MGST1: variants seen among roughly 807,000 people sequenced by gnomAD.
The protein encoded by MGST1 is microsomal glutathione S-transferase 1, also known as glutathione S-transferase 12.
Under a neutral mutation model 8.9 loss-of-function variants are expected in MGST1, and 5 were observed. That is an observed-to-expected ratio of 0.56 (90% CI 0.29 to 1.19). The LOEUF is 1.19. Ranked by LOEUF, MGST1 falls within the 50% of genes most tolerant of loss-of-function variation. The probability of loss-of-function intolerance (pLI) is 0.08; values close to 1 mark genes in which losing one functional copy is unlikely to be tolerated. For synonymous variants in MGST1, 54 were observed against 67.8 expected, an observed-to-expected ratio of 0.80 and a Z score of 1.00; for missense variants, 182 against 187.4, an observed-to-expected ratio of 0.97 and a Z score of 0.17.
Position 16,589,066 on chromosome 12 carries a change from G to A in MGST1, n.483-462G>A, listed in dbSNP as rs1943411570. Among the ~76,000 whole-genome samples, 1 of 151,966 alleles carries A rather than the reference G, an allele frequency of 6.6e-6. No homozygotes were observed. The highest frequency in any genetic ancestry group is 6.6e-5 in the Admixed American group (1 of 15,250). On this transcript the variant is annotated intron_variant and non_coding_transcript_variant, in intron 4 of 4. Transcript: ENST00000538857. This position sits in a 1 kb window ranked among gnomAD's most constrained non-coding sequence, Gnocchi z 4.2. ...AATGTGAAGCTGGGGTGTAGCAGAA[G>A]GGGGTCGACGTCAGGTCTGGATACC...
intron 4 of MGST1, among the ~76,000 whole-genome samples, chr12:16,494,292 T>C (rs1188908880): frequency 6.6e-6 from 1 of 152,186 alleles, no homozygotes; most frequent in African/African-American, 2.4e-5. Flanking sequence ...TAGACATCTC[T>C]GTGATGCATG....
chr12:16,496,225 T>C (rs1412915440), intron 4 of MGST1, among the ~76,000 whole-genome samples: 1 of 151,998 alleles, frequency 6.6e-6, no homozygotes, highest in Non-Finnish European at 1.5e-5. Context: ...TTATTTCTGG[T>C]GGCAGAGAAT....
chr12:16,404,374 T>C (rs575024850), intron 1 of MGST1, among the ~76,000 whole-genome samples: 1 of 152,256 alleles, frequency 6.6e-6, no homozygotes, highest in South Asian at 2.1e-4. Flanking sequence ...AGATTCTTTT[T>C]AAAAATTCAA....
chr12:16,348,564 C>G (rs1016158106), intron 1 of MGST1, among the ~76,000 whole-genome samples: 1 of 152,068 alleles, frequency 6.6e-6, no homozygotes, highest in African/African-American at 2.4e-5. Flanking sequence ...ATTTCTTCTC[C>G]CTAATTTCTT....
At chr12:16,360,242 A>G in intron 3 of MGST1, 1 of 620,944 alleles carries the variant, frequency 1.6e-6, no homozygotes, top group Non-Finnish European at 2.0e-6. Flanking sequence ...CGTTTCCAGC[A>G]TCTTCCCTTT....
intron 4 of MGST1, among the ~76,000 whole-genome samples, chr12:16,507,901 T>A (rs1941550152): frequency 6.6e-6 from 1 of 152,068 alleles, no homozygotes; most frequent in Non-Finnish European, 1.5e-5. Flanking sequence ...TATCAAGGAA[T>A]GAGCAATAGG....
chr12:16,396,689 C>A (rs1293127718), intron 1 of MGST1, among the ~76,000 whole-genome samples: 1 of 151,898 alleles, frequency 6.6e-6, no homozygotes, highest in Non-Finnish European at 1.5e-5. Context: ...CTTAAAATAG[C>A]TGCAAAAAAA....
chr12:16,358,859 A>G (rs2270356), intron 3 of MGST1, among the ~76,000 whole-genome samples: 83,390 of 139,386 alleles, frequency 0.6, 25,738 homozygotes, highest in Non-Finnish European at 0.7. Flanking sequence ...TCTTTATCCA[A>G]TTCATATTGA....
chr12:16,349,207 A>T (rs1406842449), intron 1 of MGST1: 1 of 152,120 alleles, frequency 6.6e-6, no homozygotes, highest in Non-Finnish European at 1.5e-5. Flanking sequence ...GGCCCTGGGG[A>T]TGCGTGCCCA....
At chr12:16,558,575 C>CA (rs149571899) in intron 4 of MGST1, among the ~76,000 whole-genome samples, 4,416 of 152,062 alleles carry the variant, frequency 0.029, 210 homozygotes, top group African/African-American at 0.1. Context: ...GTGCATTTGC[C>CA]AATTTATTTT....
rs1565467248 is a variant in MGST1, at chr12:16,513,341, C to T, written n.483-76187C>T. 2 of 267,648 alleles carry T rather than the reference C, an allele frequency of 7.5e-6. No individual in the cohort carries two copies. Among genetic ancestry groups the T allele is most frequent in the Admixed American group, 4.8e-5 (1 of 20,870 alleles). The allele number at this position is 267,648 out of a possible 1,614,324, so 16.6% of individuals were successfully genotyped here. ...ATTCCTTAAAAAGGAGAATTTTATGCTTGCCCTCTGCTCCGTCCTGCGTCT... is the reference window on the plus strand; with the variant it reads ...ATTCCTTAAAAAGGAGAATTTTATGTTTGCCCTCTGCTCCGTCCTGCGTCT... On this transcript the variant is annotated intron_variant and non_coding_transcript_variant, in intron 4 of 4. Transcript: ENST00000538857. The surrounding 1 kb of genome is among the most constrained non-coding windows in gnomAD (Gnocchi z 4.2).
intron 1 of MGST1, among the ~76,000 whole-genome samples, chr12:16,402,662 C>T (rs187419449): frequency 5.1e-4 from 77 of 152,030 alleles, no homozygotes; most frequent in African/African-American, 1.8e-3. Context: ...TTGCTTATGT[C>T]CCTTATTAAT....
chr12:16,452,746 A>T (rs897691176), intron 4 of MGST1, among the ~76,000 whole-genome samples: 7 of 151,898 alleles, frequency 4.6e-5, no homozygotes, highest in East Asian at 1.9e-4. Flanking sequence ...AAAATGTTTT[A>T]AAAAATATTC....
intron 4 of MGST1, among the ~76,000 whole-genome samples, chr12:16,566,767 T>C (rs1942628080): frequency 6.6e-6 from 1 of 152,160 alleles, no homozygotes; most frequent in African/African-American, 2.4e-5. Flanking sequence ...GTTCAACGTA[T>C]AAATATATAC....
intron 1 of MGST1, among the ~76,000 whole-genome samples, chr12:16,432,533 G>T (rs1028100669): frequency 6.6e-6 from 1 of 151,868 alleles, no homozygotes; most frequent in African/African-American, 2.4e-5. Flanking sequence ...AGTAGCAATG[G>T]AACAAGCAAT....
intron 4 of MGST1, among the ~76,000 whole-genome samples, chr12:16,483,261 T>A (rs982572581): frequency 2.0e-5 from 3 of 152,090 alleles, no homozygotes. Flanking sequence ...CCCTTACTCC[T>A]CAAAAGGGGA....
chr12:16,379,984 G>A (rs1394193673), downstream of MGST1, among the ~76,000 whole-genome samples: 14 of 152,060 alleles, frequency 9.2e-5, no homozygotes, highest in South Asian at 2.1e-4. Context: ...CTGTGGGATC[G>A]GTGGTGATAT....
chr12:16,394,582 T>C (rs1295928268), intron 1 of MGST1, among the ~76,000 whole-genome samples: 3 of 112,676 alleles, frequency 2.7e-5, no homozygotes, highest in Admixed American at 9.3e-5. Flanking sequence ...TTCTTCTCTC[T>C]GTCTCTCTTT....
chr12:16,507,808 A>C, intron 4 of MGST1, among the ~76,000 whole-genome samples: 1 of 152,072 alleles, frequency 6.6e-6, no homozygotes, highest in East Asian at 1.9e-4. Flanking sequence ...CCCATGATTC[A>C]ATCACCTCCC....
Sources: gnomAD v4.1 joint callset for allele counts (sites outside exome capture counted in the v4.1 genomes callset) on GRCh38, gnomAD v4.1.1 for gene constraint, Gnocchi (gnomAD v3.1) non-coding constraint, MANE v1.5 for transcripts, NCBI Gene and HGNC (gene_info 2026-07-23, HGNC 2026-07-21) for gene names.